NELL1: variants seen among roughly 807,000 people sequenced by gnomAD.
The protein encoded by NELL1 is protein kinase C-binding protein NELL1.
Under a neutral mutation model 107.4 loss-of-function variants are expected in NELL1, and 76 were observed. The observed-to-expected ratio is 0.71, with a 90% CI of 0.59 to 0.86. The LOEUF (loss-of-function observed/expected upper bound fraction) is 0.86, where lower values mean the gene tolerates loss of function less well. Among genes scored for constraint, NELL1 ranks in the 40% least tolerant of loss-of-function variants. NELL1 has a pLI of 0.00. For missense variants in NELL1, 1,024 were observed against 1,005.5 expected, an observed-to-expected ratio of 1.02 and a Z score of -0.25; for synonymous variants, 353 against 341.2, an observed-to-expected ratio of 1.03 and a Z score of -0.38.
intron 2 of NELL1, among the ~76,000 whole-genome samples, chr11:20,750,003 A>G (rs1349280927): frequency 6.6e-6 from 1 of 152,168 alleles, no homozygotes; most frequent in East Asian, 1.9e-4. Flanking sequence ...ATGTAACTTT[A>G]TAAGAAACCG....
chr11:21,417,277 T>G (rs1453523016), intron 15 of NELL1, among the ~76,000 whole-genome samples: 1 of 152,110 alleles, frequency 6.6e-6, no homozygotes, highest in Non-Finnish European at 1.5e-5. Context: ...ATTTTGATAG[T>G]GCAGTATACC....
chr11:21,127,755 A>C (rs1188899146), intron 13 of NELL1, among the ~76,000 whole-genome samples: 1 of 152,232 alleles, frequency 6.6e-6, no homozygotes, highest in African/African-American at 2.4e-5. Flanking sequence ...TACATTGTGG[A>C]AATCACACTA....
chr11:21,044,195 A>G (rs1481052839), intron 12 of NELL1, among the ~76,000 whole-genome samples: 2 of 152,170 alleles, frequency 1.3e-5, no homozygotes, highest in Non-Finnish European at 2.9e-5. Context: ...AGGTGCCTTT[A>G]GCAAGAAAGC....
rs1348578644 is a variant in NELL1 at position 21,057,692 on chromosome 11, TG to T, written c.1301-55894del. 3.3e-5 allele frequency among the ~76,000 whole-genome samples: 5 copies of T among 151,852 alleles called. 1 individual carries two copies. Among genetic ancestry groups the T allele is most frequent in the African/African-American group, 4.8e-5 (2 of 41,398 alleles). On this transcript the variant is annotated intron_variant, in intron 12 of 19. Coordinates refer to ENST00000357134, the MANE Select transcript of NELL1 (RefSeq NM_006157.5). ...ATGTATACAAAACACAAGCTGCAGA[TG>T]GGTGTTTAATTAAATTCCTATTTTA...
At chr11:21,381,599 T>C (rs1851608059) in intron 15 of NELL1, among the ~76,000 whole-genome samples, 1 of 151,954 alleles carries the variant, frequency 6.6e-6, no homozygotes, top group Admixed American at 6.6e-5. Context: ...AATAGGCTGC[T>C]TGCCCAAGGA....
At chr11:20,989,202 T>C (rs1720865118) in intron 12 of NELL1, among the ~76,000 whole-genome samples, 1 of 152,310 alleles carries the variant, frequency 6.6e-6, no homozygotes, top group Non-Finnish European at 1.5e-5. Context: ...GAAGAGTTTG[T>C]GATCTCTGGT....
chr11:21,375,712 T>C lies in NELL1; in HGVS notation c.1645+4764T>C, dbSNP rs1436046259. On this transcript the variant is annotated intron_variant, in intron 15 of 19. Transcript: ENST00000357134. ...TTTTCTCTGCAGCCTCACCAGCATC[T>C]GTTGTTTTTTGACTTTTTAATAATA... Among the ~76,000 whole-genome samples, 6 of 152,238 alleles carry C rather than the reference T, an allele frequency of 3.9e-5. No individual in the cohort carries two copies. The South Asian group carries it at 6.2e-4, about 16-fold the overall frequency.
At chr11:20,968,286 A>G (rs1851425322) in intron 12 of NELL1, among the ~76,000 whole-genome samples, 1 of 152,196 alleles carries the variant, frequency 6.6e-6, no homozygotes, top group Non-Finnish European at 1.5e-5. Context: ...ATTTTATTTT[A>G]TTCACTATCT....
At chr11:21,337,841 C>CT (rs1850467253) in intron 14 of NELL1, among the ~76,000 whole-genome samples, 1 of 92,722 alleles carries the variant, frequency 1.1e-5, no homozygotes, top group African/African-American at 4.5e-5. Flanking sequence ...TCTTTCTTTT[C>CT]TTTCTTTCTT....
At chr11:20,729,776 T>C (rs962077660) in intron 2 of NELL1, among the ~76,000 whole-genome samples, 2 of 152,154 alleles carry the variant, frequency 1.3e-5, no homozygotes, top group African/African-American at 4.8e-5. Flanking sequence ...TAGGAGAGAA[T>C]AACTGTGAGT....
At chr11:20,833,240 A>G (rs549663871) in intron 3 of NELL1, among the ~76,000 whole-genome samples, 8 of 152,344 alleles carry the variant, frequency 5.3e-5, no homozygotes, top group African/African-American at 1.9e-4. Flanking sequence ...AATATTGTAT[A>G]TAAAGTAATA....
intron 12 of NELL1, among the ~76,000 whole-genome samples, chr11:21,101,665 C>T (rs539364769): frequency 2.1e-3 from 320 of 152,126 alleles, no homozygotes; most frequent in African/African-American, 6.7e-3. Flanking sequence ...TCATATCCTT[C>T]GCCCACTTTT....
At chr11:21,291,920 C>T (rs57314436) in intron 14 of NELL1, among the ~76,000 whole-genome samples, 4,514 of 152,174 alleles carry the variant, frequency 0.03, 233 homozygotes, top group African/African-American at 0.1. Flanking sequence ...ATTGATGGAA[C>T]GTGTCTCAAA....
chr11:21,284,265 A>T (rs982331635), intron 14 of NELL1: 3 of 456,942 alleles, frequency 6.6e-6, no homozygotes, highest in Admixed American at 2.3e-5. Context: ...TGGCACAAAG[A>T]TGTAGACATC....
At chr11:21,339,352 G>A (rs556289823) in intron 14 of NELL1, among the ~76,000 whole-genome samples, 1 of 152,304 alleles carries the variant, frequency 6.6e-6, no homozygotes, top group African/African-American at 2.4e-5. Context: ...AAGCTAAGAA[G>A]AGTCAAGGAA....
chr11:20,727,497 G>T (rs560664968), intron 2 of NELL1, among the ~76,000 whole-genome samples: 8 of 152,062 alleles, frequency 5.3e-5, no homozygotes, highest in African/African-American at 1.9e-4. Context: ...CTGGATATTA[G>T]CCCTTTGTCA....
chr11:20,697,865 G>A (rs964391509), intron 2 of NELL1, among the ~76,000 whole-genome samples: 1 of 152,160 alleles, frequency 6.6e-6, no homozygotes, highest in Non-Finnish European at 1.5e-5. Context: ...CACTGCCCAT[G>A]TGTAACCATT....
intron 15 of NELL1, among the ~76,000 whole-genome samples, chr11:21,511,996 C>G (rs1033521271): frequency 6.6e-6 from 1 of 152,192 alleles, no homozygotes; most frequent in Non-Finnish European, 1.5e-5. Context: ...GAGTCAGATC[C>G]AGGGCCCAGA....
At chr11:21,573,530 A>G in intron 19 of NELL1, 121 bp downstream of exon 19, 1 of 839,252 alleles carries the variant, frequency 1.2e-6, no homozygotes, top group Non-Finnish European at 1.9e-6. Context: ...ACTCTGGCAT[A>G]CATTTACTTC....
Sources: gnomAD v4.1 joint callset for allele counts (sites outside exome capture counted in the v4.1 genomes callset) on GRCh38, gnomAD v4.1.1 for gene constraint, MANE v1.5 for transcripts, NCBI Gene and HGNC (gene_info 2026-07-23, HGNC 2026-07-21) for gene names.